Variants in DLG5 observed in about 807,000 individuals in gnomAD.
DLG5 encodes the protein disks large homolog 5.
Under a neutral mutation model 189.8 loss-of-function variants are expected in DLG5, and 48 were observed. The ratio of observed to expected loss-of-function variants is 0.25; its 90% CI spans 0.20 to 0.32. The LOEUF (loss-of-function observed/expected upper bound fraction) is 0.32. DLG5 is among the 10% of genes least tolerant of loss of function. DLG5 has a pLI of 1.00. For synonymous variants in DLG5, 1,016 were observed against 1,054.1 expected (o/e 0.96, Z 0.70); for missense variants, 2,160 against 2,544.7 (o/e 0.85, Z 3.25).
At chr10:77,934,901 A>C in the DLG5 span, among the ~76,000 whole-genome samples, 1 of 137,790 alleles carries the variant, frequency 7.3e-6, no homozygotes, top group African/African-American at 2.9e-5. Flanking sequence ...TCTGTCGCCT[A>C]GGCTGGAGTG....
chr10:77,793,941 C>T, intron 31 of DLG5, 67 bp downstream of exon 31: 1 of 1,445,444 alleles, frequency 6.9e-7, no homozygotes, highest in Non-Finnish European at 9.7e-7. Flanking sequence ...GCTAAGAAAA[C>T]AGCCTTAGGA....
intron 1 of DLG5, among the ~76,000 whole-genome samples, chr10:77,914,372 G>A (rs1328522884): frequency 2.0e-5 from 3 of 151,800 alleles, no homozygotes; most frequent in African/African-American, 7.2e-5. Flanking sequence ...TAGCTCCAGA[G>A]GCGGCAGCAG....
chr10:77,807,696 G>T (rs967411775), intron 25 of DLG5, 100 bp downstream of exon 25: 14 of 1,378,296 alleles, frequency 1.0e-5, no homozygotes, highest in South Asian at 2.7e-5. Flanking sequence ...CCCCAGCCTT[G>T]GGGGGCAAGA....
chr10:77,870,739 C>T (rs1844863469), intron 1 of DLG5, among the ~76,000 whole-genome samples: 1 of 151,570 alleles, frequency 6.6e-6, no homozygotes, highest in Non-Finnish European at 1.5e-5. Context: ...AGCCACCCTA[C>T]ACGCATCTTT....
At chr10:77,901,269 C>A (rs1267401572) in intron 1 of DLG5, among the ~76,000 whole-genome samples, 1 of 152,234 alleles carries the variant, frequency 6.6e-6, no homozygotes, top group African/African-American at 2.4e-5. Flanking sequence ...ATCCTGACTA[C>A]TACAGCACAG....
chr10:77,925,348 G>GTCT (rs1846652997), intron 1 of DLG5, among the ~76,000 whole-genome samples: 1 of 152,176 alleles, frequency 6.6e-6, no homozygotes. Flanking sequence ...TCAGTGCCAT[G>GTCT]TCTTCTTCCT....
rs116129191 is a variant in DLG5, at chr10:77,866,519, G to T, written c.373+2610C>A. On this transcript the variant is annotated intron_variant, in intron 2 of 31. Transcript: ENST00000372391. ...CATAAGAACCCCGCCTTCTTCTTCT[G>T]CCACTCACCGCAGATGGCTACAGAG... Among the ~76,000 whole-genome samples the T allele has an allele frequency of 4.5e-3, 680 of 152,302 alleles. 5 individuals carry two copies. The highest frequency in any genetic ancestry group is 0.015 in the African/African-American group (636 of 41,554).
At chr10:77,901,549 A>G (rs970783731) in intron 1 of DLG5, among the ~76,000 whole-genome samples, 3 of 152,242 alleles carry the variant, frequency 2.0e-5, no homozygotes, top group Non-Finnish European at 4.4e-5. Flanking sequence ...CGCATCAGAA[A>G]GGCAGCATCC....
In DLG5 at chr10:77,796,627, C is replaced by T; in HGVS notation, c.5165-33G>A. On this transcript the variant is annotated intron_variant, in intron 27 of 31. Coordinates refer to ENST00000372391, the MANE Select transcript of DLG5 (RefSeq NM_004747.4). This position sits in a 1 kb window ranked among gnomAD's most constrained non-coding sequence, Gnocchi z 5.2. ...AGAGAGAGCAGCAGCGTCACGGACC[C>T]AGCTTGGAGTGGAGGACCTGAGTGG... 6.2e-7 allele frequency: 1 copy of T among 1,612,004 alleles called. No individual in the cohort carries two copies. Among genetic ancestry groups the T allele is most frequent in the Non-Finnish European group, 8.5e-7 (1 of 1,178,646 alleles).
At chr10:77,809,134 C>T (rs955342380) in intron 24 of DLG5, among the ~76,000 whole-genome samples, 3 of 149,384 alleles carry the variant, frequency 2.0e-5, no homozygotes, top group Admixed American at 6.7e-5. Flanking sequence ...AGGCTGGACA[C>T]GGTAGCTCAT....
chr10:77,904,482 G>A (rs1846017001), intron 1 of DLG5, among the ~76,000 whole-genome samples: 1 of 152,152 alleles, frequency 6.6e-6, no homozygotes, highest in Non-Finnish European at 1.5e-5. Context: ...ATTTGGCTGT[G>A]TCCCTATTCA....
chr10:77,856,941 G>A (rs370129811), intron 2 of DLG5, 49 bp from the exon 3 acceptor site: 39 of 1,562,724 alleles, frequency 2.5e-5, no homozygotes, highest in East Asian at 1.4e-4. Flanking sequence ...TGGCATTCAC[G>A]AGGCGCCCGG....
intron 1 of DLG5, among the ~76,000 whole-genome samples, chr10:77,885,232 TAC>T (rs1347178712): frequency 6.6e-6 from 1 of 151,632 alleles, no homozygotes; most frequent in Non-Finnish European, 1.5e-5. Context: ...CTTAGATGCC[TAC>T]GCTCAGAAAA....
rs766907618 is a variant in DLG5 at position 77,841,994 on chromosome 10, C to T, written c.1324G>A (p.Val442Ile). The T allele has an allele frequency of 8.1e-6, 13 of 1,614,118 alleles. No homozygotes were observed. The highest frequency in any genetic ancestry group is 6.7e-5 in the East Asian group (3 of 44,902). The change falls in exon 7 of 32, where the codon GTC (valine) becomes ATC (isoleucine). Residue 442 changes from valine (V) to isoleucine (I), a missense_variant. Physicochemically the swap from Val to Ile is conservative, Grantham distance 29. Transcript: ENST00000372391. The part of the protein sequence containing the change: ...YKLIMSERDQ[V>I]ISELDKLQTE... ...TGCAGCTTGTCCAGCTCAGAGATGA[C>T]CTGGTCACGCTCACTCATGATGAGC...
At chr10:77,906,617 CTTTTTTT>C (rs35116526) in intron 1 of DLG5, among the ~76,000 whole-genome samples, 74 of 102,174 alleles carry the variant, frequency 7.2e-4, no homozygotes, top group Non-Finnish European at 9.5e-4. Flanking sequence ...CTGCGCTCCA[CTTTTTTT>C]TTTTTTTTTT....
chr10:77,911,564 T>G (rs1160450953), intron 1 of DLG5, among the ~76,000 whole-genome samples: 1 of 152,178 alleles, frequency 6.6e-6, no homozygotes, highest in African/African-American at 2.4e-5. Context: ...TGGTCAAATA[T>G]GTGCAGATTT....
chr10:77,819,704 T>A, intron 16 of DLG5, 191 bp downstream of exon 16: 1 of 1,112,774 alleles, frequency 9.0e-7, no homozygotes, highest in Non-Finnish European at 1.3e-6. Flanking sequence ...GGAGAAAGCA[T>A]GTTGACAAGC....
At position 77,812,247 on chromosome 10, in the gene DLG5, C is replaced by A; in HGVS notation, c.4156G>T (p.Ala1386Ser). The change falls in exon 21 of 32, where the codon GCT (alanine) becomes TCT (serine). Residue 1386 changes from alanine (A) to serine (S), a missense_variant. Coordinates refer to ENST00000372391, the MANE Select transcript of DLG5 (RefSeq NM_004747.4). ...AACTGATCCCCATACTCGAGGCCAG[C>A]CTGGTGAGCGATGCTCCCCACGGTC... ...KVTVGSIAHQ[A>S]GLEYGDQLLE... The A allele has an allele frequency of 6.2e-7, 1 of 1,614,040 alleles. No individual in the cohort carries two copies. The highest frequency in any genetic ancestry group is 8.5e-7 in the Non-Finnish European group (1 of 1,179,942).
rs1268418488 is a variant in DLG5, at chr10:77,821,260, G to A, written c.3224C>T (p.Ser1075Phe). 2.5e-6 allele frequency: 4 copies of A among 1,613,812 alleles called. No homozygotes were observed. The highest frequency in any genetic ancestry group is 3.4e-6 in the Non-Finnish European group (4 of 1,180,052). ...CCCATCTCCTTCAGGGTAGTAGCTG[G>A]AAGCAATGCGGACCCTGGCCTTGCG... is the stretch of plus-strand genomic sequence containing the variant. ...PPRKARVRIASSYYPEGDGDS... is the reference protein window; with the variant it reads ...PPRKARVRIAFSYYPEGDGDS... Residue 1075 changes from serine to phenylalanine, a missense_variant, in exon 15 of 32, where the codon TCC becomes TTC. Ser to Phe is a radical substitution (Grantham distance 155). Coordinates refer to ENST00000372391, the MANE Select transcript of DLG5 (RefSeq NM_004747.4).
Sources: gnomAD v4.1 joint callset for allele counts (sites outside exome capture counted in the v4.1 genomes callset) on GRCh38, gnomAD v4.1.1 for gene constraint, Gnocchi (gnomAD v3.1) non-coding constraint, MANE v1.5 for transcripts, NCBI Gene and HGNC (gene_info 2026-07-23, HGNC 2026-07-21) for gene names.